The following AHNAK variants were observed in gnomAD, a reference collection of about 807,000 sequenced individuals.
AHNAK encodes AHNAK nucleoprotein.
AHNAK carries 23 observed loss-of-function variants against 37.8 expected under a neutral mutation model. The observed-to-expected ratio is 0.61, with a 90% CI of 0.44 to 0.86. The LOEUF is 0.86. Ranked by LOEUF, AHNAK falls within the 40% of genes least tolerant of loss-of-function variation. The pLI, the probability that AHNAK is intolerant of heterozygous loss-of-function variation, is 0.00. For synonymous variants in AHNAK, 2,481 were observed against 2,636.3 expected (o/e 0.94, Z 1.80); for missense variants, 7,411 against 7,319.4 (o/e 1.01, Z -0.46).
In AHNAK at chr11:62,524,445, A is replaced by T. The variant is rs1223139246; in HGVS notation, c.9972T>A (p.Ala3324=). The change falls in exon 5 of 5, where the codon GCT becomes GCA. Residue 3324 remains alanine (A), a synonymous_variant. Transcript: ENST00000378024. ...SGPKLEGDIK[A]PSLDIKGPEV... ...CTGGGCCCTTTATATCCAAACTGGG[A>T]GCTTTAATGTCACCTTCCAACTTGG... is the stretch of plus-strand genomic sequence containing the variant. The T allele has an allele frequency of 1.2e-6, 2 of 1,613,624 alleles. No individual in the cohort carries two copies. The highest frequency in any genetic ancestry group is 1.7e-6 in the Non-Finnish European group (2 of 1,179,924).
At chr11:62,484,621 G>A (rs1479348800) in intron 5 of AHNAK, among the ~76,000 whole-genome samples, 4 of 152,166 alleles carry the variant, frequency 2.6e-5, no homozygotes, top group African/African-American at 4.8e-5. Flanking sequence ...AGAGCTCCAT[G>A]AGGGAGGAAA....
In AHNAK at chr11:62,529,009, A is replaced by T. The variant is rs776006133; in HGVS notation, c.5408T>A (p.Val1803Glu). The change falls in exon 5 of 5, where the codon GTG (valine) becomes GAG (glutamate). Residue 1803 changes from valine (V) to glutamate (E), a missense_variant. Coordinates refer to ENST00000378024, the MANE Select transcript of AHNAK (RefSeq NM_001620.3). The stretch of plus-strand genomic sequence containing the variant: ...TCTGAGATCACCTTCCAGTTCTGGC[A>T]CAGAAGCATCTATCTCTCCCTTCAG... ...PKLKGEIDAS[V>E]PELEGDLRGP... 4 of 1,614,164 alleles carry T rather than the reference A, an allele frequency of 2.5e-6. No homozygotes were observed. In the Admixed American group the frequency reaches 6.7e-5, roughly 27 times the overall value.
Position 62,535,051 on chromosome 11 carries a change from C to G in AHNAK, c.294G>C (p.Gln98His). The change falls in exon 4 of 5, where the codon CAG becomes CAC. Residue 98 changes from glutamine to histidine, a missense_variant. Transcript: ENST00000378024. The part of the protein sequence containing the change: ...RKGDRSPEPG[Q>H]TWTREVFSSC... The stretch of plus-strand genomic sequence containing the variant: ...AGCTGAAGACTTCACGGGTCCAGGT[C>G]TGGCCAGGCTCGGGAGAGCGGTCCC... 1 of 1,613,792 alleles carries G rather than the reference C, an allele frequency of 6.2e-7. No individual in the cohort carries two copies. Among genetic ancestry groups the G allele is most frequent in the Non-Finnish European group, 8.5e-7 (1 of 1,179,758 alleles).
intron 1 of AHNAK, among the ~76,000 whole-genome samples, chr11:62,537,748 TCTC>T (rs1405722265): frequency 6.6e-6 from 1 of 151,592 alleles, no homozygotes; most frequent in African/African-American, 2.4e-5. Context: ...AATGGCACGA[TCTC>T]AGCTCACTGC....
Position 62,528,413 on chromosome 11 carries a change from T to C in AHNAK, c.6004A>G (p.Lys2002Glu), listed in dbSNP as rs1430023175. Reference sequence around the variant, plus strand: ...GACACATCCATATCCCCTTTGACTTTGGGGCCTTTCAGGTGTAAGTCCACA... The same window carrying C: ...GACACATCCATATCCCCTTTGACTTCGGGGCCTTTCAGGTGTAAGTCCACA... Reference protein sequence around the residue: ...PDVDLHLKGPKVKGDMDVSVP... With the variant: ...PDVDLHLKGPEVKGDMDVSVP... Residue 2002 changes from lysine to glutamate, a missense_variant, in exon 5 of 5, where the codon AAA becomes GAA. Coordinates refer to ENST00000378024, the MANE Select transcript of AHNAK (RefSeq NM_001620.3). 6 of 1,613,830 alleles carry C rather than the reference T, an allele frequency of 3.7e-6. 1 individual carries two copies. The highest frequency in any genetic ancestry group is 1.7e-5 in the Admixed American group (1 of 59,966).
intron 5 of AHNAK, among the ~76,000 whole-genome samples, chr11:62,488,618 G>A (rs1939442184): frequency 6.7e-6 from 1 of 149,140 alleles, no homozygotes; most frequent in Non-Finnish European, 1.5e-5. Context: ...TGCTGTGTTG[G>A]CCAGGCTGCT....
At chr11:62,478,750 CAAAAAAA>C (rs11358273) in intron 5 of AHNAK, among the ~76,000 whole-genome samples, 2 of 88,454 alleles carry the variant, frequency 2.3e-5, no homozygotes, top group Non-Finnish European at 4.7e-5. Flanking sequence ...GACCCTGCCT[CAAAAAAA>C]AAAAAAAAAA....
chr11:62,530,786 C>T lies in AHNAK; in HGVS notation c.3631G>A (p.Gly1211Arg). The change falls in exon 5 of 5, where the codon GGG becomes AGG. Residue 1211 changes from glycine to arginine, a missense_variant. Transcript: ENST00000378024. ...TTGGGCACAGACACATCCACATCCCCTTTGACTTTGGGGCCTTTCAAGTGT... is the reference window on the plus strand; with the variant it reads ...TTGGGCACAGACACATCCACATCCCTTTTGACTTTGGGGCCTTTCAAGTGT... ...DLHLKGPKVK[G>R]DVDVSVPKVE... 1 of 1,613,724 alleles carries T rather than the reference C, an allele frequency of 6.2e-7. No individual in the cohort carries two copies. Among genetic ancestry groups the T allele is most frequent in the Non-Finnish European group, 8.5e-7 (1 of 1,179,964 alleles).
chr11:62,467,680 G>A (rs1279501058), intron 5 of AHNAK, among the ~76,000 whole-genome samples: 4 of 152,268 alleles, frequency 2.6e-5, no homozygotes, highest in Middle Eastern at 3.4e-3. Context: ...GTGAGACTCC[G>A]TCTCAAACAA....
At chr11:62,441,795 C>G (rs1938311521) in intron 5 of AHNAK, among the ~76,000 whole-genome samples, 1 of 152,152 alleles carries the variant, frequency 6.6e-6, no homozygotes, top group African/African-American at 2.4e-5. Flanking sequence ...TGCCACCGAG[C>G]CTAGCCTCAA....
At chr11:62,538,438 A>G (rs1013367834) in intron 1 of AHNAK, among the ~76,000 whole-genome samples, 3 of 152,252 alleles carry the variant, frequency 2.0e-5, no homozygotes, top group Admixed American at 6.5e-5. Flanking sequence ...GACTACAGCC[A>G]CAGCACAAAA....
intron 5 of AHNAK, among the ~76,000 whole-genome samples, chr11:62,480,618 G>A (rs1161863519): frequency 3.3e-5 from 5 of 151,276 alleles, no homozygotes; most frequent in Non-Finnish European, 5.9e-5. Flanking sequence ...CCGAGATTGC[G>A]CCATTGCACT....
rs748421379 is a variant in AHNAK, at chr11:62,535,033, G to C, written c.312C>G (p.Val104=). 4.3e-6 allele frequency: 7 copies of C among 1,612,642 alleles called. No homozygotes were observed. The highest frequency in any genetic ancestry group is 2.2e-5 in the East Asian group (1 of 44,852). ...CCACTTCAGAGCTGCAGGAGCTGAA[G>C]ACTTCACGGGTCCAGGTCTGGCCAG... ...PEPGQTWTRE[V]FSSCSSEVVL... is the part of the protein sequence containing the mutation. Residue 104 remains valine (V), a synonymous_variant, in exon 4 of 5, where the codon GTC becomes GTG. Transcript: ENST00000378024.
chr11:62,463,833 G>A (rs1331827211), intron 5 of AHNAK, among the ~76,000 whole-genome samples: 2 of 151,820 alleles, frequency 1.3e-5, no homozygotes, highest in Non-Finnish European at 2.9e-5. Context: ...GTACGATCTC[G>A]GCTCACTGCA....
At chr11:62,449,371 C>CT (rs1220021005) in intron 5 of AHNAK, among the ~76,000 whole-genome samples, 2 of 152,176 alleles carry the variant, frequency 1.3e-5, no homozygotes, top group Admixed American at 1.3e-4. Context: ...GGTCTGCCCC[C>CT]TGCTCAGCTG....
At chr11:62,503,306 G>A (rs1254329206) in intron 4 of AHNAK, among the ~76,000 whole-genome samples, 1 of 152,208 alleles carries the variant, frequency 6.6e-6, no homozygotes, top group African/African-American at 2.4e-5. Flanking sequence ...CAACGAAAGT[G>A]GGCTGGGCAC....
rs141608992 is a variant in AHNAK, at chr11:62,525,235, T to C, written c.9182A>G (p.Asp3061Gly). 85 of 1,611,198 alleles carry C rather than the reference T, an allele frequency of 5.3e-5. No homozygotes were observed. Among genetic ancestry groups the C allele is most frequent in the Middle Eastern group, 5.0e-4 (3 of 6,058 alleles). The change falls in exon 5 of 5, where the codon GAT becomes GGT. Residue 3061 changes from aspartate (D) to glycine (G), a missense_variant. Physicochemically the swap from Asp to Gly is moderately conservative, Grantham distance 94. Coordinates refer to ENST00000378024, the MANE Select transcript of AHNAK (RefSeq NM_001620.3). ...GCCTTCGATATTCACATCTGGAACA[T>C]CAATGTCCACCTTGGGTCCTGAGAC... ...LDVSGPKVDI[D>G]VPDVNIEGPE...
At chr11:62,545,347 C>G (rs1014974400) in intron 1 of AHNAK, among the ~76,000 whole-genome samples, 2 of 152,260 alleles carry the variant, frequency 1.3e-5, no homozygotes, top group African/African-American at 4.8e-5. Flanking sequence ...CATCTGCCCC[C>G]TCCGCACCCC....
rs558375283 is a variant in AHNAK at position 62,517,391 on chromosome 11, TGCC to T, written c.17023_17025del (p.Gly5675del). On this transcript the variant is annotated inframe_deletion, in exon 5 of 5. Coordinates refer to ENST00000378024, the MANE Select transcript of AHNAK (RefSeq NM_001620.3). The stretch of plus-strand genomic sequence containing the variant: ...AAGTGAACATCCACCCCCATTTCTC[TGCC>T]AACCAGCTCACGGCCAGAGAAGGTA... 4.4e-5 allele frequency: 71 copies of T among 1,614,216 alleles called. No homozygotes were observed. In the East Asian group the frequency reaches 1.4e-3, roughly 33 times the overall value.
Sources: allele counts gnomAD v4.1 joint callset (sites outside exome capture counted in the v4.1 genomes callset), GRCh38; gene constraint gnomAD v4.1.1; transcripts MANE v1.5; gene names NCBI Gene and HGNC (gene_info 2026-07-23, HGNC 2026-07-21).